PCDH19: variants seen among roughly 807,000 people sequenced by gnomAD.
PCDH19 encodes the protein protocadherin 19.
Under a neutral mutation model 46.2 loss-of-function variants are expected in PCDH19, and 6 were observed. The ratio of observed to expected loss-of-function variants is 0.13; its 90% CI spans 0.07 to 0.26. The LOEUF is 0.26. Among genes scored for constraint, PCDH19 ranks in the 10% least tolerant of loss-of-function variants. PCDH19 has a pLI of 1.00. For missense variants in PCDH19, 740 were observed against 972.3 expected, an observed-to-expected ratio of 0.76 and a Z score of 3.18; for synonymous variants, 481 against 415.7, an observed-to-expected ratio of 1.16 and a Z score of -1.91.
At chrX:100,402,315 C>A (rs778508610) in intron 3 of PCDH19, among the ~76,000 whole-genome samples, 9 of 112,356 alleles carry the variant, frequency 8.0e-5, no homozygotes, top group African/African-American at 2.3e-4. Context: ...AATTCCAATA[C>A]CCATACCTAC....
intron 3 of PCDH19, among the ~76,000 whole-genome samples, chrX:100,360,232 G>A (rs1170020573): frequency 8.9e-6 from 1 of 112,013 alleles, no homozygotes; most frequent in African/African-American, 3.2e-5. Context: ...TAAGACTGAA[G>A]GAGCAACAGC....
intron 5 of PCDH19, among the ~76,000 whole-genome samples, chrX:100,321,624 TG>T (rs1925484012): frequency 1.8e-5 from 2 of 109,638 alleles, no homozygotes; most frequent in South Asian, 7.9e-4. Flanking sequence ...ATTGTTTGTT[TG>T]TTTCTCATTG....
At chrX:100,403,778 CA>C in intron 1 of PCDH19, 114 bp from the exon 2 acceptor site, 1 of 591,160 alleles carries the variant, frequency 1.7e-6, no homozygotes, top group Middle Eastern at 3.3e-4. Context: ...AACACTGACA[CA>C]GACCCAGCAA....
Position 100,296,259 on chromosome X carries a change from T to C in PCDH19, c.*18A>G. The C allele has an allele frequency of 3.4e-6, 4 of 1,169,569 alleles. No homozygotes were observed. The highest frequency in any genetic ancestry group is 4.7e-6 in the Non-Finnish European group (4 of 856,814). ...CACTAGCCAGTGTGGTTTCTTTCTC[T>C]TCTTCCTGGAGACTGGTTTAGAGAA... On this transcript the variant is annotated 3_prime_UTR_variant, in exon 6 of 6. Coordinates refer to ENST00000373034, the MANE Select transcript of PCDH19 (RefSeq NM_001184880.2).
At chrX:100,378,859 G>T (rs963522458) in intron 3 of PCDH19, among the ~76,000 whole-genome samples, 1 of 111,734 alleles carries the variant, frequency 8.9e-6, no homozygotes, top group Non-Finnish European at 1.9e-5. Context: ...CTCCCCTTTC[G>T]TCAGCACTGC....
intron 3 of PCDH19, among the ~76,000 whole-genome samples, chrX:100,399,402 T>C (rs1265956643): frequency 1.8e-5 from 2 of 111,899 alleles, no homozygotes; most frequent in East Asian, 5.6e-4. Flanking sequence ...AAATCACCTA[T>C]TTACTTGATT....
intron 5 of PCDH19, among the ~76,000 whole-genome samples, chrX:100,330,085 T>C (rs1010635659): frequency 1.8e-5 from 2 of 112,118 alleles, no homozygotes; most frequent in Non-Finnish European, 3.8e-5. Context: ...GGAAGCATTT[T>C]TTTTCAATAA....
intron 3 of PCDH19, among the ~76,000 whole-genome samples, chrX:100,377,104 T>C (rs1569306279): frequency 8.9e-6 from 1 of 112,359 alleles, no homozygotes; most frequent in Non-Finnish European, 1.9e-5. Flanking sequence ...TTTATTTCTC[T>C]ATGCCTAATT....
chrX:100,385,453 C>T (rs1475327551), intron 3 of PCDH19, among the ~76,000 whole-genome samples: 1 of 111,694 alleles, frequency 9.0e-6, no homozygotes, highest in Non-Finnish European at 1.9e-5. Context: ...TAAGGATAGC[C>T]ATCATGGTGT....
intron 5 of PCDH19, among the ~76,000 whole-genome samples, chrX:100,322,865 A>ATATATATATATATTTTTTTTTTTTTT: frequency 5.5e-5 from 3 of 54,414 alleles, no homozygotes; most frequent in African/African-American, 2.5e-4. Context: ...ATATATATAT[A>ATATATATATATATTTTTTTTTTTTTT]TTTTTGCAGC....
rs1924443108 is a variant in PCDH19, at chrX:100,292,107, T to C, written c.*4170A>G. 1 of 113,402 alleles carries C rather than the reference T, an allele frequency of 8.8e-6. No homozygotes were observed. The highest frequency in any genetic ancestry group is 1.9e-5 in the Non-Finnish European group (1 of 53,413). 9.3% of individuals were successfully genotyped at this position (113,402 alleles called of 1,213,427 possible). A position where few individuals can be genotyped will look rare whatever the true frequency, so the allele number is the denominator to read the frequency against. On this transcript the variant is annotated 3_prime_UTR_variant, in exon 6 of 6. Transcript: ENST00000373034. ...TTCAAATAGCACAAGGAGGTATTTG[T>C]TGCTGATTTCTAGCTCGAGCTAGTC...
intron 5 of PCDH19, among the ~76,000 whole-genome samples, chrX:100,333,131 A>T (rs1222479977): frequency 1.9e-4 from 7 of 36,442 alleles, no homozygotes; most frequent in African/African-American, 5.7e-4. Flanking sequence ...GGAAGGAAGG[A>T]AGGAAGGAAG....
chrX:100,406,567 C>T lies in PCDH19; in HGVS notation c.2031G>A (p.Leu677=). The T allele has an allele frequency of 8.3e-7, 1 of 1,210,320 alleles. No homozygotes were observed. The highest frequency in any genetic ancestry group is 1.1e-6 in the Non-Finnish European group (1 of 894,624). The change falls in exon 1 of 6, where the codon TTG becomes TTA. Residue 677 remains leucine (L), a synonymous_variant. Coordinates refer to ENST00000373034, the MANE Select transcript of PCDH19 (RefSeq NM_001184880.2). ...DAQESMGSVN[L]SLIFIIALGS... is the part of the protein sequence containing the mutation. The stretch of plus-strand genomic sequence containing the variant: ...CCAGGGCAATAATGAAAATCAAGGA[C>T]AAGTTCACAGAGCCCATTGACTCTT...
In PCDH19 at chrX:100,408,532, G is replaced by T. The variant is rs779084190; in HGVS notation, c.66C>A (p.Leu22=). The change falls in exon 1 of 6, where the codon CTC becomes CTA. Residue 22 remains leucine (L), a synonymous_variant. Transcript: ENST00000373034. ...LAILWTQAAA[L]INLKYSVEEE... ...CTTCTACCGAGTACTTGAGATTAAT[G>T]AGGGCGGCAGCCTGCGTCCACAGTA... 4 of 1,198,468 alleles carry T rather than the reference G, an allele frequency of 3.3e-6. No individual in the cohort carries two copies. In the South Asian group the frequency reaches 7.2e-5, roughly 21 times the overall value.
Position 100,408,582 on chromosome X carries a change from G to A in PCDH19, c.16C>T (p.Leu6=). 3 of 1,174,712 alleles carry A rather than the reference G, an allele frequency of 2.6e-6. No homozygotes were observed. Among genetic ancestry groups the A allele is most frequent in the South Asian group, 1.9e-5 (1 of 53,717 alleles). The stretch of plus-strand genomic sequence containing the variant: ...ATGGCCAGCAGCAGCAGCACCGGCA[G>A]CAGGAGCGACTCCATGGCTGCACGG... MESLL[L]PVLLLLAILW... is the part of the protein sequence containing the mutation. The change falls in exon 1 of 6, where the codon CTG becomes TTG. Residue 6 remains leucine (L), a synonymous_variant. Coordinates refer to ENST00000373034, the MANE Select transcript of PCDH19 (RefSeq NM_001184880.2).
chrX:100,322,929 G>A (rs557321400), intron 5 of PCDH19, among the ~76,000 whole-genome samples: 6 of 99,267 alleles, frequency 6.0e-5, no homozygotes, highest in Admixed American at 1.1e-4. Context: ...TCGCTGTTGT[G>A]GTATAGAAGA....
rs187428368 is a variant in PCDH19, at chrX:100,358,388, A to G, written c.2617-7684T>C. On this transcript the variant is annotated intron_variant, in intron 3 of 5. Coordinates refer to ENST00000373034, the MANE Select transcript of PCDH19 (RefSeq NM_001184880.2). ...TTAACATTCAACAAATTAAATTGAAAGAATTCCCCTCCTAGCAGCCTCTCA... is the reference window on the plus strand; with the variant it reads ...TTAACATTCAACAAATTAAATTGAAGGAATTCCCCTCCTAGCAGCCTCTCA... Among the ~76,000 whole-genome samples, 47 of 112,341 alleles carry G rather than the reference A, an allele frequency of 4.2e-4. No individual in the cohort carries two copies. In the South Asian group the frequency reaches 7.0e-3, roughly 17 times the overall value.
intron 5 of PCDH19, among the ~76,000 whole-genome samples, chrX:100,332,606 G>C (rs139088557): frequency 2.2e-3 from 248 of 111,173 alleles, no homozygotes; most frequent in Non-Finnish European, 3.9e-3. Context: ...AAAGGATTAA[G>C]AGGAAAATAA....
At chrX:100,363,448 T>C (rs1314715774) in intron 3 of PCDH19, among the ~76,000 whole-genome samples, 4 of 108,774 alleles carry the variant, frequency 3.7e-5, no homozygotes, top group Non-Finnish European at 5.7e-5. Flanking sequence ...GTAAACTTGA[T>C]TTCTTCTGAA....
Sources: gnomAD v4.1 joint callset for allele counts (sites outside exome capture counted in the v4.1 genomes callset) on GRCh38, gnomAD v4.1.1 for gene constraint, MANE v1.5 for transcripts, NCBI Gene and HGNC (gene_info 2026-07-23, HGNC 2026-07-21) for gene names.